WIPF1: variants seen among roughly 807,000 people sequenced by gnomAD.
The protein encoded by WIPF1 is WAS/WASL interacting protein family member 1, also known as WAS/WASL-interacting protein family member 1.
A neutral mutation model predicts 35.4 loss-of-function variants in WIPF1; 13 were observed. The ratio of observed to expected loss-of-function variants is 0.37; its 90% CI spans 0.24 to 0.58. WIPF1 has a LOEUF of 0.58. Ranked by LOEUF, WIPF1 falls within the 20% of genes least tolerant of loss-of-function variation. The probability of loss-of-function intolerance (pLI) is 0.74; values close to 1 mark genes in which losing one functional copy is unlikely to be tolerated. For synonymous variants in WIPF1, 267 were observed against 266.3 expected, an observed-to-expected ratio of 1.00 and a Z score of -0.02; for missense variants, 591 against 667.0, an observed-to-expected ratio of 0.89 and a Z score of 1.25.
chr2:174,561,293 C>T lies in WIPF1; in HGVS notation c.*1254G>A, dbSNP rs1316862272. On this transcript the variant is annotated 3_prime_UTR_variant, in exon 8 of 8. Coordinates refer to ENST00000679041, the MANE Select transcript of WIPF1 (RefSeq NM_001375834.1). ...TTTTGCCCACCAACTCAAATCGGTTCCCTTCTTCTTCCATGTTTCTGATTT... is the reference window on the plus strand; with the variant it reads ...TTTTGCCCACCAACTCAAATCGGTTTCCTTCTTCTTCCATGTTTCTGATTT... 1 of 152,450 alleles carries T rather than the reference C, an allele frequency of 6.6e-6. No individual in the cohort carries two copies. The highest frequency in any genetic ancestry group is 1.5e-5 in the Non-Finnish European group (1 of 68,042). The allele number at this position is 152,450 out of a possible 1,614,324, so 9.4% of individuals were successfully genotyped here.
chr2:174,563,311 C>T (rs1684544131), intron 7 of WIPF1, among the ~76,000 whole-genome samples: 1 of 152,150 alleles, frequency 6.6e-6, no homozygotes, highest in African/African-American at 2.4e-5. Context: ...GTGGCTCACG[C>T]CTGTAACCCC....
At chr2:174,643,737 G>T (rs1041860750) in intron 1 of WIPF1, among the ~76,000 whole-genome samples, 2 of 152,078 alleles carry the variant, frequency 1.3e-5, no homozygotes, top group African/African-American at 4.8e-5. Context: ...ATTTTTAACA[G>T]ATTTTTCAGT....
At chr2:174,585,426 G>T in intron 2 of WIPF1, 97 bp downstream of exon 2, 1 of 1,276,974 alleles carries the variant, frequency 7.8e-7, no homozygotes, top group Non-Finnish European at 1.1e-6. Flanking sequence ...ATGTGAGCCA[G>T]AATGCAAACA....
intron 1 of WIPF1, among the ~76,000 whole-genome samples, chr2:174,681,310 G>A (rs113635169): frequency 6.6e-6 from 1 of 152,220 alleles, no homozygotes; most frequent in East Asian, 1.9e-4. Flanking sequence ...CCAGGTCCCC[G>A]AGAAACTCAG....
intron 1 of WIPF1, among the ~76,000 whole-genome samples, chr2:174,671,510 A>C (rs1447751252): frequency 6.6e-6 from 1 of 152,200 alleles, no homozygotes; most frequent in East Asian, 1.9e-4. Flanking sequence ...AAGGGAGATA[A>C]CCATTAGGTC....
In WIPF1 at chr2:174,672,562, C is replaced by T. The variant is rs1688041794; in HGVS notation, c.-39+10212G>A. 2.6e-5 allele frequency among the ~76,000 whole-genome samples: 4 copies of T among 152,228 alleles called. No individual in the cohort carries two copies. In the South Asian group the frequency reaches 8.3e-4, roughly 31 times the overall value. On this transcript the variant is annotated intron_variant, in intron 1 of 8. Transcript: ENST00000272746. ...TGAGAAATGTGATGGATATATACAT[C>T]TTTCCCTTATTAAATACTTAGTCAA... is the stretch of plus-strand genomic sequence containing the variant.
chr2:174,581,599 A>G (rs1685243944), intron 2 of WIPF1, among the ~76,000 whole-genome samples, 160 bp from the exon 3 acceptor site: 1 of 152,204 alleles, frequency 6.6e-6, no homozygotes, highest in Admixed American at 6.5e-5. Flanking sequence ...CTTTCTTTTT[A>G]AGATCCAGAC....
rs1022837345 is a variant in WIPF1, at chr2:174,610,865, C to T, written c.-38-25254G>A. On this transcript the variant is annotated intron_variant, in intron 1 of 8. Coordinates refer to the WIPF1 transcript ENST00000272746. ...AGCTTCTCCAACCTCTAGGTCCCTG[C>T]AGTCACTGACCTTTTCCCCCAGATC... Among the ~76,000 whole-genome samples, 8 of 152,308 alleles carry T rather than the reference C, an allele frequency of 5.3e-5. No homozygotes were observed. In the South Asian group the frequency reaches 1.0e-3, roughly 20 times the overall value.
intron 1 of WIPF1, among the ~76,000 whole-genome samples, chr2:174,649,588 A>C (rs972813834): frequency 6.6e-6 from 1 of 152,040 alleles, no homozygotes; most frequent in African/African-American, 2.4e-5. Context: ...AACCCCAATA[A>C]AAGCTCTGGC....
Position 174,560,748 on chromosome 2 carries a change from G to A in WIPF1, c.*1799C>T, listed in dbSNP as rs4972697. On this transcript the variant is annotated 3_prime_UTR_variant, in exon 8 of 8. Coordinates refer to ENST00000679041, the MANE Select transcript of WIPF1 (RefSeq NM_001375834.1). ...TCAGGACTTTGGCAAGGAAGTTATA[G>A]AAATATAATATATTCAAATCAGTAA... is the stretch of plus-strand genomic sequence containing the variant. 148,416 of 152,682 alleles carry A rather than the reference G, an allele frequency of 0.97. 72,269 individuals carry two copies. The highest frequency in any genetic ancestry group is 1 in the Non-Finnish European group (67,914 of 68,026). 9.5% of individuals were successfully genotyped at this position (152,682 alleles called of 1,614,324 possible).
chr2:174,648,665 G>A (rs1687470530), intron 1 of WIPF1, among the ~76,000 whole-genome samples: 2 of 152,154 alleles, frequency 1.3e-5, no homozygotes, highest in Non-Finnish European at 2.9e-5. Context: ...TAGTAACTAG[G>A]TTTTATAGGC....
At chr2:174,574,285 C>T (rs1684975300) in intron 4 of WIPF1, among the ~76,000 whole-genome samples, 3 of 152,074 alleles carry the variant, frequency 2.0e-5, no homozygotes, top group Admixed American at 2.0e-4. Flanking sequence ...TGCCTTAAAT[C>T]CTTTTGGTGA....
intron 1 of WIPF1, among the ~76,000 whole-genome samples, chr2:174,672,673 C>T (rs1198503860): frequency 1.3e-5 from 2 of 152,294 alleles, no homozygotes; most frequent in East Asian, 3.9e-4. Flanking sequence ...TAGGATGGAC[C>T]TTACGTGGAG....
intron 1 of WIPF1, among the ~76,000 whole-genome samples, chr2:174,649,441 C>T (rs562795748): frequency 1.3e-5 from 2 of 152,238 alleles, no homozygotes; most frequent in East Asian, 3.9e-4. Context: ...GGCCCATATA[C>T]CCCAGGAGAC....
At chr2:174,624,781 A>G (rs1204537368) in intron 1 of WIPF1, among the ~76,000 whole-genome samples, 3 of 152,092 alleles carry the variant, frequency 2.0e-5, no homozygotes, top group Non-Finnish European at 4.4e-5. Flanking sequence ...CAATTCGCCA[A>G]CTGGTTTTTA....
intron 1 of WIPF1, among the ~76,000 whole-genome samples, chr2:174,619,504 C>G (rs1056698686): frequency 8.5e-5 from 13 of 152,272 alleles, no homozygotes; most frequent in African/African-American, 2.6e-4. Context: ...TCTTTATACA[C>G]AAATCCTTGT....
chr2:174,643,145 T>C lies in WIPF1; in HGVS notation c.-39+39629A>G, dbSNP rs1253670539. On this transcript the variant is annotated intron_variant, in intron 1 of 8. Coordinates refer to the WIPF1 transcript ENST00000272746. ...TACTATTATATGTGGCCAATACATGTCTAGTTTTTGTTAATTGGACATCTT... is the reference window on the plus strand; with the variant it reads ...TACTATTATATGTGGCCAATACATGCCTAGTTTTTGTTAATTGGACATCTT... Among the ~76,000 whole-genome samples, 4 of 149,266 alleles carry C rather than the reference T, an allele frequency of 2.7e-5. 1 individual carries two copies. The highest frequency in any genetic ancestry group is 1.0e-4 in the African/African-American group (4 of 38,640).
chr2:174,592,691 C>T (rs1293718572), intron 1 of WIPF1, among the ~76,000 whole-genome samples: 1 of 151,578 alleles, frequency 6.6e-6, no homozygotes, highest in Non-Finnish European at 1.5e-5. Context: ...CTGCAACCTC[C>T]ACCTCCTGGG....
chr2:174,571,911 C>G lies in WIPF1; in HGVS notation c.894G>C (p.Pro298=), dbSNP rs557450984. 1.2e-6 allele frequency: 2 copies of G among 1,609,228 alleles called. No homozygotes were observed. The highest frequency in any genetic ancestry group is 2.2e-5 in the South Asian group (2 of 90,352). Reference sequence around the variant, plus strand: ...GGGCCTGTGAGGAGGCCGAAGGCCGCGGAGTGGAAGGCACTGGAGGCTTGT... The same window carrying G: ...GGGCCTGTGAGGAGGCCGAAGGCCGGGGAGTGGAAGGCACTGGAGGCTTGT... ...QNNKPPVPST[P]RPSASSQAPP... Residue 298 remains proline (P), a synonymous_variant, in exon 5 of 8, where the codon CCG becomes CCC. Transcript: ENST00000679041. This position sits in a 1 kb window ranked among gnomAD's most constrained non-coding sequence, Gnocchi z 4.6.
Sources: gnomAD v4.1 joint callset for allele counts (sites outside exome capture counted in the v4.1 genomes callset) on GRCh38, gnomAD v4.1.1 for gene constraint, Gnocchi (gnomAD v3.1) non-coding constraint, MANE v1.5 for transcripts, NCBI Gene and HGNC (gene_info 2026-07-23, HGNC 2026-07-21) for gene names.